LY96: variants seen among roughly 807,000 people sequenced by gnomAD.
LY96 encodes the protein myeloid differentiation protein-2.
Under a neutral mutation model 18.9 loss-of-function variants are expected in LY96, and 18 were observed. The ratio of observed to expected loss-of-function variants is 0.95; its 90% CI spans 0.66 to 1.41. The LOEUF is 1.41. Ranked by LOEUF, LY96 falls within the 40% of genes most tolerant of loss-of-function variation. The probability of loss-of-function intolerance (pLI) is 0.00; values close to 1 mark genes in which losing one functional copy is unlikely to be tolerated. For missense variants in LY96, 175 were observed against 182.4 expected (o/e 0.96, Z 0.23); for synonymous variants, 66 against 62.6 (o/e 1.06, Z -0.26).
intron 3 of LY96, among the ~76,000 whole-genome samples, chr8:74,010,586 T>G (rs1586653658): frequency 2.0e-5 from 3 of 152,310 alleles, no homozygotes; most frequent in Middle Eastern, 3.4e-3. Context: ...GTTATTAATA[T>G]TTAACCTTTC....
chr8:74,054,644 C>CTTTCTTTCTTTA, the LY96 span, among the ~76,000 whole-genome samples: 1 of 122,754 alleles, frequency 8.1e-6, no homozygotes, highest in Non-Finnish European at 1.6e-5. Flanking sequence ...TTCTTTCTTT[C>CTTTCTTTCTTTA]TTTCTTTCTT....
chr8:74,098,863 T>C, the LY96 span, among the ~76,000 whole-genome samples: 1 of 152,188 alleles, frequency 6.6e-6, no homozygotes, highest in African/African-American at 2.4e-5. Context: ...AAGAGATTAA[T>C]TTTCTAAAAT....
intron 3 of LY96, among the ~76,000 whole-genome samples, chr8:74,020,880 A>G (rs1816744661): frequency 6.6e-6 from 1 of 152,252 alleles, no homozygotes; most frequent in Admixed American, 6.5e-5. Context: ...TAGAAAGCTG[A>G]AACTGGATCC....
chr8:74,000,192 C>T (rs899914276), intron 1 of LY96, among the ~76,000 whole-genome samples: 5 of 152,136 alleles, frequency 3.3e-5, no homozygotes, highest in East Asian at 1.9e-4. Context: ...ATACTAATTT[C>T]GTTATCGAAT....
intron 3 of LY96, 93 bp from the exon 4 acceptor site, chr8:74,026,696 C>G (rs1816878715): frequency 1.4e-6 from 1 of 724,920 alleles, no homozygotes. Flanking sequence ...GGGACTGCGT[C>G]TGTCAGTAGT....
chr8:74,045,084 A>G, the LY96 span, among the ~76,000 whole-genome samples: 1 of 152,274 alleles, frequency 6.6e-6, no homozygotes, highest in Non-Finnish European at 1.5e-5. Flanking sequence ...TTGCTCCCTA[A>G]TAACTGAAAT....
chr8:74,054,632 C>T, the LY96 span, among the ~76,000 whole-genome samples: 648 of 105,756 alleles, frequency 6.1e-3, 9 homozygotes, highest in African/African-American at 0.025. Flanking sequence ...TTCTTTCTTT[C>T]TTTCTTTCTT....
intron 3 of LY96, among the ~76,000 whole-genome samples, chr8:74,024,858 C>A (rs1026210347): frequency 6.6e-6 from 1 of 152,086 alleles, no homozygotes; most frequent in Non-Finnish European, 1.5e-5. Context: ...GAGACAAGGT[C>A]TCCCTGTCAC....
chr8:74,050,584 G>C, the LY96 span, among the ~76,000 whole-genome samples: 1 of 152,066 alleles, frequency 6.6e-6, no homozygotes. Flanking sequence ...TGTGAAAGTG[G>C]TGAGCTTTCA....
chr8:73,995,015 G>A (rs962253908), intron 1 of LY96, among the ~76,000 whole-genome samples: 16 of 152,278 alleles, frequency 1.1e-4, no homozygotes, highest in African/African-American at 3.6e-4. Flanking sequence ...GATATTAAGA[G>A]GTGGGACTTT....
chr8:74,077,321 A>T, the LY96 span, among the ~76,000 whole-genome samples: 1 of 152,216 alleles, frequency 6.6e-6, no homozygotes, highest in South Asian at 2.1e-4. Flanking sequence ...ATAACAAAAG[A>T]CACTCCTGTC....
the LY96 span, among the ~76,000 whole-genome samples, chr8:74,035,185 C>T: frequency 5.9e-5 from 9 of 152,072 alleles, no homozygotes; most frequent in African/African-American, 1.9e-4. Flanking sequence ...TGTAACCTTC[C>T]CTTTGGCTTT....
At chr8:74,068,133 GCT>G in the LY96 span, among the ~76,000 whole-genome samples, 2 of 135,338 alleles carry the variant, frequency 1.5e-5, no homozygotes, top group East Asian at 4.1e-4. Flanking sequence ...AGATTTTCTT[GCT>G]CTCTTTCCAG....
chr8:73,999,201 C>T (rs937918551), intron 1 of LY96, among the ~76,000 whole-genome samples: 7 of 152,100 alleles, frequency 4.6e-5, no homozygotes, highest in Admixed American at 2.0e-4. Context: ...AACTCCTGAC[C>T]TCAGGTGATC....
chr8:74,034,322 A>G, the LY96 span, among the ~76,000 whole-genome samples: 1 of 152,186 alleles, frequency 6.6e-6, no homozygotes, highest in Non-Finnish European at 1.5e-5. Flanking sequence ...CAGTGAGCCA[A>G]GAACATGCCA....
the LY96 span, among the ~76,000 whole-genome samples, chr8:74,086,330 G>A: frequency 1.1e-4 from 17 of 152,136 alleles, no homozygotes; most frequent in Non-Finnish European, 2.5e-4. Context: ...TGCTCACTGC[G>A]AGGATTCTGG....
At chr8:74,035,518 ACTCC>A in the LY96 span, among the ~76,000 whole-genome samples, 3 of 152,004 alleles carry the variant, frequency 2.0e-5, no homozygotes, top group Non-Finnish European at 4.4e-5. Flanking sequence ...ATCTGAATGA[ACTCC>A]CTCCTCTCAG....
intron 1 of LY96, among the ~76,000 whole-genome samples, chr8:74,001,148 C>A (rs1280329735): frequency 1.3e-5 from 2 of 151,758 alleles, no homozygotes; most frequent in African/African-American, 2.4e-5. Flanking sequence ...TAAATTGAAT[C>A]ACATATAACA....
intron 2 of LY96, among the ~76,000 whole-genome samples, chr8:74,009,116 G>A (rs971661085): frequency 2.0e-5 from 3 of 150,494 alleles, no homozygotes; most frequent in African/African-American, 4.9e-5. Flanking sequence ...ATCTTTTTTG[G>A]CCAGGCATGG....
Sources: allele counts gnomAD v4.1 joint callset (sites outside exome capture counted in the v4.1 genomes callset), GRCh38; gene constraint gnomAD v4.1.1; transcripts MANE v1.5; gene names NCBI Gene and HGNC (gene_info 2026-07-23, HGNC 2026-07-21).